NUCKS1: variants seen among roughly 807,000 people sequenced by gnomAD.
NUCKS1 encodes the protein nuclear ubiquitous casein and cyclin-dependent kinase substrate 1.
In NUCKS1, 2 loss-of-function variants were observed where a neutral mutation model predicts 33.0. That is an observed-to-expected ratio of 0.06 (90% CI 0.02 to 0.19). The LOEUF (loss-of-function observed/expected upper bound fraction) is 0.19, where lower values mean the gene tolerates loss of function less well. Among genes scored for constraint, NUCKS1 ranks in the 10% least tolerant of loss-of-function variants. The probability of loss-of-function intolerance (pLI) is 1.00; values close to 1 mark genes in which losing one functional copy is unlikely to be tolerated. For synonymous variants in NUCKS1, 106 were observed against 102.8 expected (o/e 1.03, Z -0.19); for missense variants, 201 against 293.6 (o/e 0.68, Z 2.31).
Position 205,743,485 on chromosome 1 carries a change from A to T in NUCKS1, c.17+6472T>A, listed in dbSNP as rs1654233208. On this transcript the variant is annotated intron_variant, in intron 1 of 6. Coordinates refer to ENST00000367142, the MANE Select transcript of NUCKS1 (RefSeq NM_022731.5). The stretch of plus-strand genomic sequence containing the variant: ...AACTCAACCACTTAACCTATTTGTA[A>T]CCTCAGTCAAGTTAATCATTTCCTT... Among the ~76,000 whole-genome samples, 3 of 152,208 alleles carry T rather than the reference A, an allele frequency of 2.0e-5. No individual in the cohort carries two copies. The South Asian group carries it at 6.2e-4, about 32-fold the overall frequency.
chr1:205,749,852 G>T, intron 1 of NUCKS1, 105 bp downstream of exon 1: 1 of 1,265,040 alleles, frequency 7.9e-7, no homozygotes, highest in Non-Finnish European at 1.1e-6. Context: ...AGGAGGCCGC[G>T]CGCGGCACCG....
intron 1 of NUCKS1, among the ~76,000 whole-genome samples, chr1:205,748,447 G>C (rs960366304): frequency 6.6e-6 from 1 of 152,178 alleles, no homozygotes; most frequent in African/African-American, 2.4e-5. Context: ...TATTCTACGT[G>C]AGTTGATGGA....
rs987835518 is a variant in NUCKS1 at position 205,713,147 on chromosome 1, G to A, written c.*5133C>T. On this transcript the variant is annotated 3_prime_UTR_variant, in exon 7 of 7. Coordinates refer to ENST00000367142, the MANE Select transcript of NUCKS1 (RefSeq NM_022731.5). ...CTGATTAACAAAGCTGTGTAAGTTA[G>A]TGTGTTTGCTTTAAGGTATTACAAG... 1.3e-5 allele frequency: 2 copies of A among 152,144 alleles called. No homozygotes were observed. The highest frequency in any genetic ancestry group is 2.1e-4 in the South Asian group (1 of 4,830). 9.4% of individuals were successfully genotyped at this position (152,144 alleles called of 1,614,324 possible).
intron 6 of NUCKS1, 131 bp from the exon 7 acceptor site, chr1:205,718,610 G>T: frequency 1.6e-6 from 2 of 1,277,074 alleles, no homozygotes; most frequent in Non-Finnish European, 2.1e-6. Flanking sequence ...AAACCAAGGT[G>T]GGCACAAGGG....
intron 1 of NUCKS1, among the ~76,000 whole-genome samples, chr1:205,737,542 T>G (rs1654062027): frequency 6.6e-6 from 1 of 152,246 alleles, no homozygotes; most frequent in Admixed American, 6.5e-5. Context: ...GCAAAGTCCC[T>G]CACACTGAGC....
intron 4 of NUCKS1, among the ~76,000 whole-genome samples, chr1:205,723,480 T>C (rs1328456230): frequency 3.9e-5 from 6 of 152,148 alleles, no homozygotes; most frequent in African/African-American, 1.4e-4. Flanking sequence ...ATGTCTCCAC[T>C]AAAAAGAGTG....
At position 205,718,476 on chromosome 1, in the gene NUCKS1, G is replaced by A. The variant is rs900522145; in HGVS notation, c.536C>T (p.Thr179Met). ...CCCTTTGCCTTTCACTGGACTTGGCGTCACTGAAAATAGAAAAATAATTTG... is the reference window on the plus strand; with the variant it reads ...CCCTTTGCCTTTCACTGGACTTGGCATCACTGAAAATAGAAAAATAATTTG... Reference protein sequence around the residue: ...MPKPRLKATVTPSPVKGKGKV... With the variant: ...MPKPRLKATVMPSPVKGKGKV... Residue 179 changes from threonine (T) to methionine (M), a missense_variant, in exon 7 of 7, where the codon ACG (threonine) becomes ATG (methionine). Physicochemically the swap from Thr to Met is moderately conservative, Grantham distance 81. Coordinates refer to ENST00000367142, the MANE Select transcript of NUCKS1 (RefSeq NM_022731.5). The A allele has an allele frequency of 2.5e-5, 41 of 1,608,096 alleles. No homozygotes were observed. The highest frequency in any genetic ancestry group is 2.2e-4 in the Middle Eastern group (1 of 4,546).
intron 1 of NUCKS1, among the ~76,000 whole-genome samples, chr1:205,743,690 G>A (rs988132763): frequency 6.6e-6 from 1 of 152,106 alleles, no homozygotes; most frequent in Admixed American, 6.6e-5. Flanking sequence ...TAGGCTCTTG[G>A]AAAGTGGAGC....
chr1:205,747,267 C>T (rs985775467), intron 1 of NUCKS1, among the ~76,000 whole-genome samples: 8 of 152,164 alleles, frequency 5.3e-5, no homozygotes, highest in African/African-American at 1.9e-4. Flanking sequence ...TTATCCAGGT[C>T]CCCATTAAAC....
intron 1 of NUCKS1, among the ~76,000 whole-genome samples, chr1:205,729,956 G>A (rs1373206548): frequency 6.6e-6 from 1 of 151,786 alleles, no homozygotes; most frequent in Non-Finnish European, 1.5e-5. Context: ...AGGGGTCAGA[G>A]GTTGTGGTGA....
chr1:205,739,393 G>A (rs1170747800), intron 1 of NUCKS1, among the ~76,000 whole-genome samples: 1 of 152,156 alleles, frequency 6.6e-6, no homozygotes, highest in African/African-American at 2.4e-5. Context: ...CTGCCTCAAA[G>A]ATGATTAAGA....
At chr1:205,742,495 G>A (rs887658635) in intron 1 of NUCKS1, among the ~76,000 whole-genome samples, 10 of 152,206 alleles carry the variant, frequency 6.6e-5, no homozygotes, top group Admixed American at 2.0e-4. Flanking sequence ...GGGGCGCCCA[G>A]TTTGACCGAA....
intron 1 of NUCKS1, among the ~76,000 whole-genome samples, chr1:205,749,399 G>A (rs897446358): frequency 6.6e-6 from 1 of 152,206 alleles, no homozygotes; most frequent in Admixed American, 6.5e-5. Context: ...CAGCGACCCC[G>A]AAGGACAGAG....
At chr1:205,729,037 C>G (rs928636535) in intron 2 of NUCKS1, among the ~76,000 whole-genome samples, 3 of 151,956 alleles carry the variant, frequency 2.0e-5, no homozygotes, top group African/African-American at 7.3e-5. Context: ...GGCGCCATCT[C>G]GGCTCACTGC....
intron 1 of NUCKS1, among the ~76,000 whole-genome samples, chr1:205,736,824 CCTT>C (rs1654045978): frequency 1.3e-5 from 2 of 149,770 alleles, no homozygotes; most frequent in Non-Finnish European, 1.5e-5. Context: ...GAGCAAAACT[CCTT>C]CTAAAAAAAA....
At chr1:205,727,533 T>C (rs1032713544) in intron 3 of NUCKS1, among the ~76,000 whole-genome samples, 167 bp downstream of exon 3, 2 of 152,196 alleles carry the variant, frequency 1.3e-5, no homozygotes, top group South Asian at 4.1e-4. Context: ...AGATAACAAA[T>C]TGTATACTCG....
rs1558049228 is a variant in NUCKS1 at position 205,719,681 on chromosome 1, G to A, written c.383-5C>T. 1 of 1,603,408 alleles carries A rather than the reference G, an allele frequency of 6.2e-7. No homozygotes were observed. The highest frequency in any genetic ancestry group is 8.5e-7 in the Non-Finnish European group (1 of 1,177,222). ...CTTCATCGCTGCCGGAATCTTCTGA[G>A]AAGAAAGAAGAATTTCAACATCTAA... On this transcript the variant is annotated splice_polypyrimidine_tract_variant and splice_region_variant and intron_variant, in intron 5 of 6. Transcript: ENST00000367142.
At chr1:205,744,569 TATG>T (rs1256954155) in intron 1 of NUCKS1, among the ~76,000 whole-genome samples, 2 of 151,012 alleles carry the variant, frequency 1.3e-5, no homozygotes, top group East Asian at 1.9e-4. Context: ...GGTGGCAAAA[TATG>T]ATGACCTAAA....
chr1:205,738,288 A>T (rs1218248837), intron 1 of NUCKS1, among the ~76,000 whole-genome samples: 1 of 151,904 alleles, frequency 6.6e-6, no homozygotes, highest in Non-Finnish European at 1.5e-5. Context: ...TTGGCCTCCC[A>T]ACGTGCTAGG....
Sources: allele counts gnomAD v4.1 joint callset (sites outside exome capture counted in the v4.1 genomes callset), GRCh38; gene constraint gnomAD v4.1.1; transcripts MANE v1.5; gene names NCBI Gene and HGNC (gene_info 2026-07-23, HGNC 2026-07-21).